The following OSBPL3 variants were observed in gnomAD, a reference collection of about 807,000 sequenced individuals.
The protein encoded by OSBPL3 is oxysterol binding protein like 3, also known as oxysterol-binding protein-related protein 3.
Under a neutral mutation model 120.1 loss-of-function variants are expected in OSBPL3, and 65 were observed. That is an observed-to-expected ratio of 0.54 (90% CI 0.44 to 0.67). OSBPL3 has a LOEUF of 0.67. Among genes scored for constraint, OSBPL3 ranks in the 30% least tolerant of loss-of-function variants. The probability of loss-of-function intolerance (pLI) is 0.00; values close to 1 mark genes in which losing one functional copy is unlikely to be tolerated. For synonymous variants in OSBPL3, 416 were observed against 402.6 expected (o/e 1.03, Z -0.40); for missense variants, 1,004 against 1,082.1 (o/e 0.93, Z 1.01).
chr7:24,839,639 T>C (rs116197418), intron 14 of OSBPL3, among the ~76,000 whole-genome samples: 2,716 of 152,120 alleles, frequency 0.018, 76 homozygotes, highest in African/African-American at 0.061. Flanking sequence ...CCCCCTGATA[T>C]CTCAGGGCAA....
rs1423182938 is a variant in OSBPL3, at chr7:24,802,129, G to A, written c.2568-1850C>T. Reference sequence around the variant, plus strand: ...AGGAATGTAGATTTTTATCACACTTGTTTCCCTATTCCAGTAACACTATAT... The same window carrying A: ...AGGAATGTAGATTTTTATCACACTTATTTCCCTATTCCAGTAACACTATAT... On this transcript the variant is annotated intron_variant, in intron 22 of 22. Coordinates refer to ENST00000313367, the MANE Select transcript of OSBPL3 (RefSeq NM_015550.4). This position sits in a 1 kb window ranked among gnomAD's most constrained non-coding sequence, Gnocchi z 4.1. Among the ~76,000 whole-genome samples the A allele has an allele frequency of 6.6e-6, 1 of 152,170 alleles. No individual in the cohort carries two copies. The highest frequency in any genetic ancestry group is 1.5e-5 in the Non-Finnish European group (1 of 68,030).
intron 1 of OSBPL3, among the ~76,000 whole-genome samples, chr7:24,960,320 T>A (rs1340026296): frequency 6.6e-6 from 1 of 152,146 alleles, no homozygotes; most frequent in African/African-American, 2.4e-5. Context: ...GTGTGGTATA[T>A]AAATGAATGA....
rs572561787 is a variant in OSBPL3 at position 24,831,516 on chromosome 7, G to A, written c.1747-611C>T. 5.8e-4 allele frequency among the ~76,000 whole-genome samples: 88 copies of A among 152,254 alleles called. 1 individual carries two copies. Among genetic ancestry groups the A allele is most frequent in the Middle Eastern group, 3.4e-3 (1 of 294 alleles). The stretch of plus-strand genomic sequence containing the variant: ...TCCAAAAAAAAAATTAAAATAAAGA[G>A]AGGAAGGAAGAAAAACTTTACGTGA... On this transcript the variant is annotated intron_variant, in intron 15 of 22. Transcript: ENST00000313367. The surrounding 1 kb of genome is among the most constrained non-coding windows in gnomAD (Gnocchi z 4.0).
rs1420056830 is a variant in OSBPL3, at chr7:24,834,373, C to T, written c.1746+113G>A. 2.6e-6 allele frequency: 4 copies of T among 1,515,564 alleles called. No individual in the cohort carries two copies. Among genetic ancestry groups the T allele is most frequent in the Middle Eastern group, 1.8e-4 (1 of 5,622 alleles). 93.9% of individuals were successfully genotyped at this position (1,515,564 alleles called of 1,614,324 possible). On this transcript the variant is annotated intron_variant, in intron 15 of 22. Transcript: ENST00000313367. The surrounding 1 kb of genome is among the most constrained non-coding windows in gnomAD (Gnocchi z 5.2). ...CTGAGTAATGAACCTGTTTACGGAA[C>T]AATCAAAATGAAACCGGAGGGAACA...
Position 24,967,734 on chromosome 7 carries a change from C to G in OSBPL3, c.-150+12152G>C, listed in dbSNP as rs981774237. On this transcript the variant is annotated intron_variant, in intron 1 of 22. Transcript: ENST00000313367. The surrounding 1 kb of genome is among the most constrained non-coding windows in gnomAD (Gnocchi z 5.6). ...TACTACAGGCTTCCCCCTTTCTCTCCTGGGACCTGCCCCAAAGGTTCTATA... is the reference window on the plus strand; with the variant it reads ...TACTACAGGCTTCCCCCTTTCTCTCGTGGGACCTGCCCCAAAGGTTCTATA... Among the ~76,000 whole-genome samples the G allele has an allele frequency of 1.3e-5, 2 of 152,168 alleles. No homozygotes were observed. Among genetic ancestry groups the G allele is most frequent in the African/African-American group, 2.4e-5 (1 of 41,432 alleles).
Position 24,964,700 on chromosome 7 carries a change from T to C in OSBPL3, c.-150+15186A>G, listed in dbSNP as rs921880722. On this transcript the variant is annotated intron_variant, in intron 1 of 22. Coordinates refer to ENST00000313367, the MANE Select transcript of OSBPL3 (RefSeq NM_015550.4). The surrounding 1 kb of genome is among the most constrained non-coding windows in gnomAD (Gnocchi z 4.2). ...CTGAATGAAGTATAGATTTTAGTTA[T>C]TAATACTGCAACAGTACTGGTCTAT... Among the ~76,000 whole-genome samples, 2 of 152,218 alleles carry C rather than the reference T, an allele frequency of 1.3e-5. No homozygotes were observed. Among genetic ancestry groups the C allele is most frequent in the African/African-American group, 4.8e-5 (2 of 41,450 alleles).
At position 24,820,120 on chromosome 7, in the gene OSBPL3, TA is replaced by T; in HGVS notation, c.1948+54del. On this transcript the variant is annotated intron_variant, in intron 17 of 22. Coordinates refer to ENST00000313367, the MANE Select transcript of OSBPL3 (RefSeq NM_015550.4). The surrounding 1 kb of genome is among the most constrained non-coding windows in gnomAD (Gnocchi z 4.6). ...AATTGACAGCAATTCTTGGATAAAATAAATAGATAACATATTACACAATATG... is the reference window on the plus strand; with the variant it reads ...AATTGACAGCAATTCTTGGATAAAATAATAGATAACATATTACACAATATG... 3 of 1,264,370 alleles carry T rather than the reference TA, an allele frequency of 2.4e-6. No homozygotes were observed. The highest frequency in any genetic ancestry group is 3.4e-6 in the Non-Finnish European group (3 of 876,938). The allele number at this position is 1,264,370 out of a possible 1,614,324, so 78.3% of individuals were successfully genotyped here. A position where few individuals can be genotyped will look rare whatever the true frequency, so the allele number is the denominator to read the frequency against.
In OSBPL3 at chr7:24,803,208, A is replaced by G. The variant is rs1190091075; in HGVS notation, c.2567+1107T>C. ...AACAAAAAACATCCCAAAACAATGAAAAGACACTGGTGGCCCTGGAAGGAC... is the reference window on the plus strand; with the variant it reads ...AACAAAAAACATCCCAAAACAATGAGAAGACACTGGTGGCCCTGGAAGGAC... On this transcript the variant is annotated intron_variant, in intron 22 of 22. Transcript: ENST00000313367. This position sits in a 1 kb window ranked among gnomAD's most constrained non-coding sequence, Gnocchi z 4.2. 1.3e-5 allele frequency among the ~76,000 whole-genome samples: 2 copies of G among 152,222 alleles called. No homozygotes were observed. Among genetic ancestry groups the G allele is most frequent in the African/African-American group, 4.8e-5 (2 of 41,458 alleles).
intron 10 of OSBPL3, among the ~76,000 whole-genome samples, chr7:24,853,360 T>C (rs936264064): frequency 1.3e-5 from 2 of 152,234 alleles, no homozygotes; most frequent in African/African-American, 2.4e-5. Context: ...GCCAGGGCTA[T>C]GTAATCTGAA....
At chr7:24,884,025 T>C (rs1036553226) in intron 2 of OSBPL3, among the ~76,000 whole-genome samples, 45 of 152,028 alleles carry the variant, frequency 3.0e-4, no homozygotes, top group African/African-American at 8.2e-4. Flanking sequence ...ATAAGAACTA[T>C]ATAGTTAATT....
chr7:24,801,242 T>TAAA (rs1220858912), intron 22 of OSBPL3, among the ~76,000 whole-genome samples: 1 of 45,660 alleles, frequency 2.2e-5, no homozygotes, highest in African/African-American at 2.9e-4. Context: ...AGACTCCTTC[T>TAAA]CAAAAAAAAA....
Position 24,896,294 on chromosome 7 carries a change from G to C in OSBPL3, c.-149-3673C>G, listed in dbSNP as rs913713328. On this transcript the variant is annotated intron_variant, in intron 1 of 22. Coordinates refer to ENST00000313367, the MANE Select transcript of OSBPL3 (RefSeq NM_015550.4). The surrounding 1 kb of genome is among the most constrained non-coding windows in gnomAD (Gnocchi z 4.4). ...CACGTGTCAAACACCAGATGCACTT[G>C]TGTCAGTTCAAAAATGACGTTTGTG... Among the ~76,000 whole-genome samples, 9 of 152,220 alleles carry C rather than the reference G, an allele frequency of 5.9e-5. No homozygotes were observed. The highest frequency in any genetic ancestry group is 2.0e-4 in the Admixed American group (3 of 15,288).
chr7:24,909,632 G>A (rs889429588), intron 1 of OSBPL3, among the ~76,000 whole-genome samples: 2 of 152,032 alleles, frequency 1.3e-5, no homozygotes, highest in African/African-American at 4.8e-5. Context: ...TTCAAATTAG[G>A]AACCTTAGGT....
chr7:24,798,229 G>A lies in OSBPL3; in HGVS notation c.*1954C>T, dbSNP rs1392737075. 6.6e-6 allele frequency: 1 copy of A among 152,234 alleles called. No individual in the cohort carries two copies. Among genetic ancestry groups the A allele is most frequent in the African/African-American group, 2.4e-5 (1 of 41,454 alleles). 9.4% of individuals were successfully genotyped at this position (152,234 alleles called of 1,614,324 possible). On this transcript the variant is annotated 3_prime_UTR_variant, in exon 23 of 23. Transcript: ENST00000313367. The surrounding 1 kb of genome is among the most constrained non-coding windows in gnomAD (Gnocchi z 4.6). The stretch of plus-strand genomic sequence containing the variant: ...AAGATTTTCCAAATGCCACATGACA[G>A]TGCTACGTCCATTCAGGCTGTGCAT...
Position 24,818,685 on chromosome 7 carries a change from G to C in OSBPL3, c.1948+1490C>G, listed in dbSNP as rs964386738. Among the ~76,000 whole-genome samples, 3 of 152,240 alleles carry C rather than the reference G, an allele frequency of 2.0e-5. No homozygotes were observed. Among genetic ancestry groups the C allele is most frequent in the Admixed American group, 2.0e-4 (3 of 15,276 alleles). On this transcript the variant is annotated intron_variant, in intron 17 of 22. Transcript: ENST00000313367. This position sits in a 1 kb window ranked among gnomAD's most constrained non-coding sequence, Gnocchi z 4.0. Reference sequence around the variant, plus strand: ...GAACAAAGAACAGATGTGACAAACAGAAAAGAAACATCATGAGGGCAGATT... The same window carrying C: ...GAACAAAGAACAGATGTGACAAACACAAAAGAAACATCATGAGGGCAGATT...
At position 24,798,469 on chromosome 7, in the gene OSBPL3, ATCTGAC is replaced by A. The variant is rs1791949341; in HGVS notation, c.*1708_*1713del. On this transcript the variant is annotated 3_prime_UTR_variant, in exon 23 of 23. Transcript: ENST00000313367. The surrounding 1 kb of genome is among the most constrained non-coding windows in gnomAD (Gnocchi z 4.6). ...GAAAGAACAAAGCATACACCAAAGA[ATCTGAC>A]TGTGTCATTCAACTGCTTAGAAATG... 1 of 152,268 alleles carries A rather than the reference ATCTGAC, an allele frequency of 6.6e-6. No individual in the cohort carries two copies. The highest frequency in any genetic ancestry group is 6.5e-5 in the Admixed American group (1 of 15,290). The allele number at this position is 152,268 out of a possible 1,614,324, so 9.4% of individuals were successfully genotyped here. A position where few individuals can be genotyped will look rare whatever the true frequency, so the allele number is the denominator to read the frequency against.
intron 1 of OSBPL3, among the ~76,000 whole-genome samples, chr7:24,978,131 G>C (rs1428768718): frequency 6.6e-6 from 1 of 152,228 alleles, no homozygotes; most frequent in Non-Finnish European, 1.5e-5. Context: ...AGGTTAACCT[G>C]CTGGACCCTC....
chr7:24,934,526 A>G (rs957734908), intron 1 of OSBPL3, among the ~76,000 whole-genome samples: 3 of 152,196 alleles, frequency 2.0e-5, no homozygotes, highest in Admixed American at 6.5e-5. Context: ...ACCACTAGGG[A>G]GTAGCACAAA....
At position 24,822,677 on chromosome 7, in the gene OSBPL3, C is replaced by T. The variant is rs1434306320; in HGVS notation, c.1885-2439G>A. Among the ~76,000 whole-genome samples, 1 of 152,012 alleles carries T rather than the reference C, an allele frequency of 6.6e-6. No homozygotes were observed. Among genetic ancestry groups the T allele is most frequent in the Non-Finnish European group, 1.5e-5 (1 of 68,016 alleles). On this transcript the variant is annotated intron_variant, in intron 16 of 22. Transcript: ENST00000313367. This position sits in a 1 kb window ranked among gnomAD's most constrained non-coding sequence, Gnocchi z 5.8. ...AATTTGGCATCTTTACAGGTATGGCCGAATGTAAACACAGTATATAAAAAC... is the reference window on the plus strand; with the variant it reads ...AATTTGGCATCTTTACAGGTATGGCTGAATGTAAACACAGTATATAAAAAC...
Sources: gnomAD v4.1 joint callset for allele counts (sites outside exome capture counted in the v4.1 genomes callset) on GRCh38, gnomAD v4.1.1 for gene constraint, Gnocchi (gnomAD v3.1) non-coding constraint, MANE v1.5 for transcripts, NCBI Gene and HGNC (gene_info 2026-07-23, HGNC 2026-07-21) for gene names.